Variants in ACAA1 observed in about 807,000 individuals in gnomAD.
ACAA1 encodes the protein 3-ketoacyl-CoA thiolase, peroxisomal.
Under a neutral mutation model 48.8 loss-of-function variants are expected in ACAA1, and 44 were observed. The ratio of observed to expected loss-of-function variants is 0.90; its 90% CI spans 0.71 to 1.16. The LOEUF (loss-of-function observed/expected upper bound fraction) is 1.16, where lower values mean the gene tolerates loss of function less well. Among genes scored for constraint, ACAA1 ranks in the 50% most tolerant of loss-of-function variants. The pLI, the probability that ACAA1 is intolerant of heterozygous loss-of-function variation, is 0.00. For synonymous variants in ACAA1, 233 were observed against 226.5 expected (o/e 1.03, Z -0.26); for missense variants, 512 against 562.3 (o/e 0.91, Z 0.90).
Position 38,131,940 on chromosome 3 carries a change from A to C in ACAA1, c.389T>G (p.Val130Gly). ...NRQCSSGLQA[V>G]ASIAGGIRNG... ...TCATAACTTACCTGCTATGCTGGCC[A>C]CTGCCTGTAGCCCCGACGAACACTG... Residue 130 changes from valine (V) to glycine (G), a missense_variant, in exon 4 of 12, where the codon GTG (valine) becomes GGG (glycine). By Grantham distance (109) the Val-to-Gly change is moderately radical. Coordinates refer to ENST00000333167, the MANE Select transcript of ACAA1 (RefSeq NM_001607.4). The C allele has an allele frequency of 1.2e-6, 2 of 1,613,984 alleles. No individual in the cohort carries two copies. Among genetic ancestry groups the C allele is most frequent in the Non-Finnish European group, 1.7e-6 (2 of 1,179,854 alleles).
intron 3 of ACAA1, 108 bp from the exon 4 acceptor site, chr3:38,132,113 G>A (rs369207321): frequency 2.0e-6 from 2 of 987,832 alleles, no homozygotes; most frequent in African/African-American, 1.6e-5. Context: ...GTAAAGGGCA[G>A]GGGAACAAAC....
intron 11 of ACAA1, 127 bp from the exon 12 acceptor site, chr3:38,123,249 G>A (rs1003860879): frequency 3.6e-5 from 31 of 854,534 alleles, no homozygotes; most frequent in Middle Eastern, 2.2e-4. Context: ...GTGGGCAAGC[G>A]GTACCCTGGC....
In ACAA1 at chr3:38,127,802, G is replaced by C. The variant is rs779070885; in HGVS notation, c.610C>G (p.Leu204Val). 2 of 1,614,176 alleles carry C rather than the reference G, an allele frequency of 1.2e-6. No homozygotes were observed. Among genetic ancestry groups the C allele is most frequent in the Non-Finnish European group, 1.7e-6 (2 of 1,180,032 alleles). Residue 204 changes from leucine (L) to valine (V), a missense_variant, in exon 7 of 12, where the codon CTG becomes GTG. By Grantham distance (32) the Leu-to-Val change is conservative. Coordinates refer to ENST00000333167, the MANE Select transcript of ACAA1 (RefSeq NM_001607.4). ...AGCACTCACTTCTGCTGGGAAGCCA[G>C]GGCAAAGGTATCCTGCTTCTCCCGT... Reference protein sequence around the residue: ...ISREKQDTFALASQQKAARAQ... With the variant: ...ISREKQDTFAVASQQKAARAQ...
rs148851305 is a variant in ACAA1, at chr3:38,132,711, T to A, written c.324-706A>T. ...CCTCCTCAGACCCACAGACTCAGAA[T>A]CTGAGGGAGTGGAAGCATCCTGGTG... On this transcript the variant is annotated intron_variant, in intron 3 of 11. Coordinates refer to ENST00000333167, the MANE Select transcript of ACAA1 (RefSeq NM_001607.4). 2.0e-5 allele frequency among the ~76,000 whole-genome samples: 3 copies of A among 152,218 alleles called. No individual in the cohort carries two copies. In the East Asian group the frequency reaches 5.8e-4, roughly 29 times the overall value.
At chr3:38,130,476 C>T (rs1158135841) in intron 5 of ACAA1, among the ~76,000 whole-genome samples, 2 of 152,168 alleles carry the variant, frequency 1.3e-5, no homozygotes, top group African/African-American at 4.8e-5. Flanking sequence ...GTAGTCTGGT[C>T]CCAGAGCCCA....
At position 38,136,685 on chromosome 3, in the gene ACAA1, C is replaced by T; in HGVS notation, c.172G>A (p.Asp58Asn). Reference protein sequence around the residue: ...ICRAGRGGFKDTTPDELLSAV... With the variant: ...ICRAGRGGFKNTTPDELLSAV... ...GAGAGAAGCTCGTCGGGGGTGGTGTCCTGCAGCAGAAAGAGCAGCCGCAGT... is the reference window on the plus strand; with the variant it reads ...GAGAGAAGCTCGTCGGGGGTGGTGTTCTGCAGCAGAAAGAGCAGCCGCAGT... The change falls in exon 2 of 12, where the codon GAC becomes AAC. Residue 58 changes from aspartate (D) to asparagine (N), a missense_variant and splice_region_variant. Asp to Asn is a conservative substitution (Grantham distance 23). Transcript: ENST00000333167. 6.2e-7 allele frequency: 1 copy of T among 1,609,038 alleles called. No individual in the cohort carries two copies. The highest frequency in any genetic ancestry group is 8.5e-7 in the Non-Finnish European group (1 of 1,177,014).
intron 10 of ACAA1, 48 bp from the exon 11 acceptor site, chr3:38,125,758 C>A (rs548538092): frequency 6.2e-6 from 10 of 1,613,916 alleles, no homozygotes; most frequent in Non-Finnish European, 8.5e-6. Context: ...CCCTCCCCTG[C>A]ACCACCTGCC....
rs143106440 is a variant in ACAA1, at chr3:38,129,708, G to A, written c.447-320C>T. On this transcript the variant is annotated intron_variant, in intron 5 of 11. Coordinates refer to ENST00000333167, the MANE Select transcript of ACAA1 (RefSeq NM_001607.4). The surrounding 1 kb of genome is among the most constrained non-coding windows in gnomAD (Gnocchi z 5.3). ...GAAAAGCCTTCTGCTGTCAGCCACA[G>A]AGGAGGAAACACATCCACAAGCCAG... Among the ~76,000 whole-genome samples the A allele has an allele frequency of 1.3e-5, 2 of 152,346 alleles. No individual in the cohort carries two copies. The highest frequency in any genetic ancestry group is 3.9e-4 in the East Asian group (2 of 5,180).
rs1021271127 is a variant in ACAA1, at chr3:38,129,453, T to C, written c.447-65A>G. 17 of 1,299,494 alleles carry C rather than the reference T, an allele frequency of 1.3e-5. No individual in the cohort carries two copies. Among genetic ancestry groups the C allele is most frequent in the Middle Eastern group, 3.8e-4 (2 of 5,318 alleles). 80.5% of individuals were successfully genotyped at this position (1,299,494 alleles called of 1,614,324 possible). On this transcript the variant is annotated intron_variant, in intron 5 of 11. Coordinates refer to ENST00000333167, the MANE Select transcript of ACAA1 (RefSeq NM_001607.4). The surrounding 1 kb of genome is among the most constrained non-coding windows in gnomAD (Gnocchi z 5.3). The stretch of plus-strand genomic sequence containing the variant: ...GGCCCTAGCAGGACTCCTCCAGAGA[T>C]AGCTGAACACTTGGCAAGTGCTAGG...
chr3:38,136,743 A>G, intron 1 of ACAA1, 58 bp from the exon 2 acceptor site: 1 of 1,525,912 alleles, frequency 6.6e-7, no homozygotes, highest in Non-Finnish European at 8.8e-7. Flanking sequence ...CCCCAGGGAG[A>G]CAAAGCGACC....
intron 5 of ACAA1, 98 bp downstream of exon 5, chr3:38,131,498 G>A (rs1700787646): frequency 1.5e-6 from 2 of 1,313,704 alleles, no homozygotes; most frequent in Non-Finnish European, 2.2e-6. Flanking sequence ...TAAAGGGGAT[G>A]GGGGGAATCC....
At position 38,136,873 on chromosome 3, in the gene ACAA1, C is replaced by T. The variant is rs934311705; in HGVS notation, c.163G>A (p.Gly55Ser). The T allele has an allele frequency of 6.6e-7, 1 of 1,524,634 alleles. No individual in the cohort carries two copies. Among genetic ancestry groups the T allele is most frequent in the Admixed American group, 2.0e-5 (1 of 48,862 alleles). 94.4% of individuals were successfully genotyped at this position (1,524,634 alleles called of 1,614,324 possible). ...RTAICRAGRGGFKDTTPDELL... is the reference protein window; with the variant it reads ...RTAICRAGRGSFKDTTPDELL... The stretch of plus-strand genomic sequence containing the variant: ...AGACCCTCGGGCCTCACCTTGAAGC[C>T]GCCGCGGCCCGCCCGGCAGATGGCC... The change falls in exon 1 of 12, where the codon GGC (glycine) becomes AGC (serine). Residue 55 changes from glycine to serine, a missense_variant. Physicochemically the swap from Gly to Ser is moderately conservative, Grantham distance 56 (BLOSUM62 0). Coordinates refer to ENST00000333167, the MANE Select transcript of ACAA1 (RefSeq NM_001607.4).
intron 2 of ACAA1, 41 bp from the exon 3 acceptor site, chr3:38,134,050 T>G (rs1360740562): frequency 3.2e-6 from 5 of 1,586,824 alleles, no homozygotes; most frequent in Admixed American, 1.7e-5. Flanking sequence ...GGCGGTGGTG[T>G]TCTGGGCACT....
At chr3:38,131,137 G>A (rs961056776) in intron 5 of ACAA1, among the ~76,000 whole-genome samples, 1 of 152,180 alleles carries the variant, frequency 6.6e-6, no homozygotes, top group Non-Finnish European at 1.5e-5. Context: ...TAAGCAGCTG[G>A]AAGTTTCCAC....
At position 38,136,574 on chromosome 3, in the gene ACAA1, C is replaced by T; in HGVS notation, c.265+18G>A. On this transcript the variant is annotated intron_variant, in intron 2 of 11. Coordinates refer to ENST00000333167, the MANE Select transcript of ACAA1 (RefSeq NM_001607.4). ...AGAACGGGGAAGGCCCAGCGCAGGG[C>T]CTGAGTGGTTCGCTCACCGACACAG... 6.2e-7 allele frequency: 1 copy of T among 1,613,644 alleles called. No individual in the cohort carries two copies. The highest frequency in any genetic ancestry group is 2.2e-5 in the East Asian group (1 of 44,864).
At position 38,129,199 on chromosome 3, in the gene ACAA1, G is replaced by A; in HGVS notation, c.545+91C>T. 1 of 1,195,020 alleles carries A rather than the reference G, an allele frequency of 8.4e-7. No individual in the cohort carries two copies. Among genetic ancestry groups the A allele is most frequent in the Non-Finnish European group, 1.2e-6 (1 of 822,938 alleles). The allele number at this position is 1,195,020 out of a possible 1,614,324, so 74.0% of individuals were successfully genotyped here. On this transcript the variant is annotated intron_variant, in intron 6 of 11. Transcript: ENST00000333167. The surrounding 1 kb of genome is among the most constrained non-coding windows in gnomAD (Gnocchi z 5.3). ...GCCCAAAGGAAGGAGGCCAAGGCTT[G>A]GCACCACCAGCCACAGAGATGATAA...
At chr3:38,128,852 A>C (rs143612124) in intron 6 of ACAA1, among the ~76,000 whole-genome samples, 181 of 152,112 alleles carry the variant, frequency 1.2e-3, no homozygotes, top group African/African-American at 4.3e-3. Flanking sequence ...CGGCCTCCCA[A>C]AGTGCTGGGA....
chr3:38,136,695 A>T lies in ACAA1; in HGVS notation c.172-10T>A. 6.2e-7 allele frequency: 1 copy of T among 1,604,402 alleles called. No individual in the cohort carries two copies. Among genetic ancestry groups the T allele is most frequent in the Non-Finnish European group, 8.5e-7 (1 of 1,174,504 alleles). On this transcript the variant is annotated splice_polypyrimidine_tract_variant and intron_variant, in intron 1 of 11. Coordinates refer to ENST00000333167, the MANE Select transcript of ACAA1 (RefSeq NM_001607.4). ...CGTCGGGGGTGGTGTCCTGCAGCAG[A>T]AAGAGCAGCCGCAGTGACCCCCACT...
At chr3:38,131,820 G>A in intron 4 of ACAA1, 106 bp downstream of exon 4, 1 of 1,286,572 alleles carries the variant, frequency 7.8e-7, no homozygotes, top group Non-Finnish European at 1.1e-6. Context: ...TCTTTCTGTG[G>A]TTAGAGTCCT....
Sources: gnomAD v4.1 joint callset for allele counts (sites outside exome capture counted in the v4.1 genomes callset) on GRCh38, gnomAD v4.1.1 for gene constraint, Gnocchi (gnomAD v3.1) non-coding constraint, MANE v1.5 for transcripts, NCBI Gene and HGNC (gene_info 2026-07-23, HGNC 2026-07-21) for gene names.